Variants in AIF1L observed in about 807,000 individuals in gnomAD.
AIF1L encodes the protein allograft inflammatory factor 1-like.
A neutral mutation model predicts 20.7 loss-of-function variants in AIF1L; 12 were observed. That is an observed-to-expected ratio of 0.58 (90% CI 0.37 to 0.94). AIF1L has a LOEUF of 0.94. AIF1L is among the 40% of genes least tolerant of loss of function. The pLI, the probability that AIF1L is intolerant of heterozygous loss-of-function variation, is 0.01. For missense variants in AIF1L, 173 were observed against 185.3 expected (o/e 0.93, Z 0.39); for synonymous variants, 76 against 65.1 (o/e 1.17, Z -0.81).
intron 3 of AIF1L, chr9:131,113,918 A>C (rs190723070): frequency 5.2e-5 from 8 of 153,094 alleles, no homozygotes; most frequent in Non-Finnish European, 7.3e-5. Flanking sequence ...CGTTTGACAC[A>C]CTGCTCCCAT....
intron 2 of AIF1L, among the ~76,000 whole-genome samples, chr9:131,101,218 G>A (rs554064626): frequency 6.6e-6 from 1 of 152,260 alleles, no homozygotes; most frequent in African/African-American, 2.4e-5. Flanking sequence ...CTTCAACACA[G>A]TAACGAGCTG....
At chr9:131,103,514 C>T (rs111552029) in intron 2 of AIF1L, among the ~76,000 whole-genome samples, 1,704 of 152,316 alleles carry the variant, frequency 0.011, 35 homozygotes, top group African/African-American at 0.04. Flanking sequence ...GTGCAATTAG[C>T]TCGTTTAATC....
intron 2 of AIF1L, among the ~76,000 whole-genome samples, chr9:131,102,596 G>T (rs944347470): frequency 1.3e-5 from 2 of 152,200 alleles, no homozygotes; most frequent in African/African-American, 4.8e-5. Context: ...ATTTCTGCAG[G>T]GTGTGCTTTA....
At chr9:131,106,061 C>A in intron 2 of AIF1L, 2 of 1,053,800 alleles carry the variant, frequency 1.9e-6, no homozygotes, top group African/African-American at 1.6e-5. Context: ...TCAAGTGATC[C>A]TCCCTCCTCG....
At chr9:131,118,153 T>C (rs546043402) in intron 5 of AIF1L, among the ~76,000 whole-genome samples, 18 of 151,828 alleles carry the variant, frequency 1.2e-4, no homozygotes, top group African/African-American at 4.3e-4. Flanking sequence ...AGTGCAGTGG[T>C]GTGATCTTGG....
intron 2 of AIF1L, among the ~76,000 whole-genome samples, chr9:131,104,668 G>A (rs1359163474): frequency 6.6e-6 from 1 of 152,216 alleles, no homozygotes; most frequent in Non-Finnish European, 1.5e-5. Flanking sequence ...GTCTGTGAGG[G>A]TCTATGGAGG....
rs1554726636 is a variant in AIF1L at position 131,121,074 on chromosome 9, G to GC, written c.*752_*753insC. On this transcript the variant is annotated 3_prime_UTR_variant, in exon 6 of 6. Transcript: ENST00000247291. Reference sequence around the variant, plus strand: ...AGGCAGAAGTGAGGCCTGGGGTTTTGGGGGAAAGGTCAGCTCAGTGCTGTT... The same window carrying GC: ...AGGCAGAAGTGAGGCCTGGGGTTTTGCGGGGAAAGGTCAGCTCAGTGCTGTT... The GC allele has an allele frequency of 6.3e-6, 4 of 630,990 alleles. No individual in the cohort carries two copies. The highest frequency in any genetic ancestry group is 6.8e-5 in the African/African-American group (2 of 29,528). 39.1% of individuals were successfully genotyped at this position (630,990 alleles called of 1,614,324 possible). A position where few individuals can be genotyped will look rare whatever the true frequency, so the allele number is the denominator to read the frequency against.
chr9:131,117,110 G>C (rs1174350253), intron 4 of AIF1L, among the ~76,000 whole-genome samples: 2 of 152,156 alleles, frequency 1.3e-5, no homozygotes, highest in African/African-American at 4.8e-5. Context: ...TGACATTCTG[G>C]GGCCTCCCTT....
intron 4 of AIF1L, among the ~76,000 whole-genome samples, chr9:131,115,092 G>A (rs761902799): frequency 5.3e-5 from 8 of 152,198 alleles, no homozygotes; most frequent in African/African-American, 1.2e-4. Flanking sequence ...GACCTCACCC[G>A]CAAAGAAGTG....
chr9:131,105,410 G>T (rs1830724314), intron 2 of AIF1L, among the ~76,000 whole-genome samples: 1 of 152,208 alleles, frequency 6.6e-6, no homozygotes, highest in South Asian at 2.1e-4. Flanking sequence ...TGTGGCCCAG[G>T]CTGGAGTGCA....
intron 2 of AIF1L, among the ~76,000 whole-genome samples, chr9:131,109,324 C>T (rs936004841): frequency 1.3e-5 from 2 of 151,966 alleles, no homozygotes; most frequent in Non-Finnish European, 2.9e-5. Flanking sequence ...TTTGGGAGGT[C>T]GAGGTGGGCG....
chr9:131,098,680 T>A (rs977066363), intron 2 of AIF1L, among the ~76,000 whole-genome samples: 2 of 152,014 alleles, frequency 1.3e-5, no homozygotes, highest in African/African-American at 4.8e-5. Flanking sequence ...CTAGCTTGGC[T>A]TAGAAAGAGG....
At chr9:131,117,662 C>G in intron 4 of AIF1L, 94 bp from the exon 5 acceptor site, 1 of 1,383,888 alleles carries the variant, frequency 7.2e-7, no homozygotes, top group Non-Finnish European at 9.8e-7. Context: ...CGCCAAGTTT[C>G]TAGGCGTGGG....
chr9:131,097,069 G>C (rs960178754), intron 2 of AIF1L, among the ~76,000 whole-genome samples: 1 of 151,134 alleles, frequency 6.6e-6, no homozygotes, highest in African/African-American at 2.4e-5. Context: ...TCCGGTCTCG[G>C]GTTGCAAGTT....
chr9:131,116,115 C>T (rs928888343), intron 4 of AIF1L, among the ~76,000 whole-genome samples: 13 of 152,026 alleles, frequency 8.6e-5, no homozygotes, highest in Admixed American at 7.2e-4. Flanking sequence ...CAAACATTTC[C>T]GTTTCTAGCC....
intron 5 of AIF1L, among the ~76,000 whole-genome samples, chr9:131,119,055 C>CT (rs1168955179): frequency 6.6e-6 from 1 of 152,230 alleles, no homozygotes; most frequent in Non-Finnish European, 1.5e-5. Context: ...CCGTGATGTC[C>CT]TGAGGGCTAG....
chr9:131,100,262 C>CTT (rs1226695821), intron 2 of AIF1L, among the ~76,000 whole-genome samples: 1 of 152,168 alleles, frequency 6.6e-6, no homozygotes, highest in Non-Finnish European at 1.5e-5. Flanking sequence ...TCTAATGGGC[C>CTT]TAGAAATCCC....
At chr9:131,096,731 A>T in intron 1 of AIF1L, 71 bp downstream of exon 1, 1 of 1,454,948 alleles carries the variant, frequency 6.9e-7, no homozygotes, top group Non-Finnish European at 9.0e-7. Flanking sequence ...GCGCGCGGGA[A>T]GCGGGCGGGG....
At chr9:131,105,425 C>A (rs1428495311) in intron 2 of AIF1L, among the ~76,000 whole-genome samples, 1 of 151,660 alleles carries the variant, frequency 6.6e-6, no homozygotes, top group Non-Finnish European at 1.5e-5. Context: ...AGTGCAGTGG[C>A]GCGATCTCAG....
Sources: gnomAD v4.1 joint callset for allele counts (sites outside exome capture counted in the v4.1 genomes callset) on GRCh38, gnomAD v4.1.1 for gene constraint, MANE v1.5 for transcripts, NCBI Gene and HGNC (gene_info 2026-07-23, HGNC 2026-07-21) for gene names.